Variants in TBC1D9B observed in about 807,000 individuals in gnomAD.
The protein encoded by TBC1D9B is TBC1 domain family, member 9B (with GRAM domain).
In TBC1D9B, 87 loss-of-function variants were observed where a neutral mutation model predicts 121.1. That is an observed-to-expected ratio of 0.72 (90% confidence interval 0.60 to 0.86). The LOEUF (loss-of-function observed/expected upper bound fraction) is 0.86, where lower values mean the gene tolerates loss of function less well. Among genes scored for constraint, TBC1D9B ranks in the 40% least tolerant of loss-of-function variants. TBC1D9B has a pLI of 0.00. For missense variants in TBC1D9B, 1,540 were observed against 1,628.6 expected (o/e 0.95, Z 0.94); for synonymous variants, 668 against 670.1 (o/e 1.00, Z 0.05).
chr5:179,896,265 T>C (rs1693592543), intron 3 of TBC1D9B, among the ~76,000 whole-genome samples: 2 of 152,212 alleles, frequency 1.3e-5, no homozygotes, highest in African/African-American at 4.8e-5. Context: ...AACTTCTGTT[T>C]TTGTCTTGTT....
chr5:179,870,742 C>G, intron 15 of TBC1D9B: 1 of 544,580 alleles, frequency 1.8e-6, no homozygotes, highest in Non-Finnish European at 3.2e-6. Flanking sequence ...CAGAGCTGGT[C>G]TGCTGGCCCC....
rs753474376 is a variant in TBC1D9B at position 179,875,945 on chromosome 5, G to A, written c.1875C>T (p.Pro625=). 23 of 1,609,402 alleles carry A rather than the reference G, an allele frequency of 1.4e-5. No individual in the cohort carries two copies. The highest frequency in any genetic ancestry group is 1.7e-4 in the Middle Eastern group (1 of 5,782). The part of the protein sequence containing the change: ...LLVALCERML[P]DYYNTRVVGA... ...CCACCACCCTGGTGTTGTAGTAGTC[G>A]GGCAGCATGCGCTCGCACAGGGCCA... Residue 625 remains proline, a synonymous_variant, in exon 11 of 21, where the codon CCC becomes CCT. Transcript: ENST00000355235. This position sits in a 1 kb window ranked among gnomAD's most constrained non-coding sequence, Gnocchi z 4.5.
At chr5:179,877,539 C>T (rs1238698460) in intron 10 of TBC1D9B, among the ~76,000 whole-genome samples, 2 of 151,702 alleles carry the variant, frequency 1.3e-5, no homozygotes, top group African/African-American at 2.4e-5. Context: ...TGGCACATGC[C>T]TGTAATCCCA....
intron 14 of TBC1D9B, 32 bp from the exon 15 acceptor site, chr5:179,871,562 G>A (rs1485717019): frequency 1.2e-6 from 2 of 1,604,998 alleles, no homozygotes; most frequent in Admixed American, 3.4e-5. Flanking sequence ...GTATATAGCT[G>A]GATCACAAGC....
At chr5:179,873,354 T>G in intron 12 of TBC1D9B, 106 bp from the exon 13 acceptor site, 1 of 1,432,832 alleles carries the variant, frequency 7.0e-7, no homozygotes, top group Non-Finnish European at 9.2e-7. Flanking sequence ...AGACTCCTAA[T>G]AAGGAGTGTG....
At chr5:179,868,059 A>C in intron 17 of TBC1D9B, 1 of 414,388 alleles carries the variant, frequency 2.4e-6, no homozygotes, top group Admixed American at 3.9e-5. Flanking sequence ...TTTTTTTTTA[A>C]TGGACTCTCA....
At chr5:179,889,925 G>T (rs1040797152) in intron 6 of TBC1D9B, among the ~76,000 whole-genome samples, 4 of 151,324 alleles carry the variant, frequency 2.6e-5, no homozygotes, top group Non-Finnish European at 5.9e-5. Flanking sequence ...TGTGGTTAGG[G>T]AGTGGCTAAA....
intron 10 of TBC1D9B, among the ~76,000 whole-genome samples, chr5:179,877,070 CAAAAAAAAAAA>C (rs58537646): frequency 0.048 from 1,648 of 34,176 alleles, 22 homozygotes; most frequent in Non-Finnish European, 0.079. Flanking sequence ...GATCCTGTCT[CAAAAAAAAAAA>C]AAAAAAAAAA....
rs988705823 is a variant in TBC1D9B at position 179,902,980 on chromosome 5, G to A, written c.229+1722C>T. Among the ~76,000 whole-genome samples the A allele has an allele frequency of 6.6e-6, 1 of 152,210 alleles. No homozygotes were observed. Among genetic ancestry groups the A allele is most frequent in the African/African-American group, 2.4e-5 (1 of 41,438 alleles). Reference sequence around the variant, plus strand: ...ATGCCCGTGCAGAGCGCCCACCTGGGAGTGGGGCTATTCCCGGGGTGCCGC... The same window carrying A: ...ATGCCCGTGCAGAGCGCCCACCTGGAAGTGGGGCTATTCCCGGGGTGCCGC... On this transcript the variant is annotated intron_variant, in intron 2 of 20. Transcript: ENST00000355235. The surrounding 1 kb of genome is among the most constrained non-coding windows in gnomAD (Gnocchi z 4.9).
intron 1 of TBC1D9B, among the ~76,000 whole-genome samples, chr5:179,906,972 GGAGGGAGTGGCCTGTGGGCCTC>G (rs1471509547): frequency 6.6e-6 from 1 of 152,198 alleles, no homozygotes; most frequent in African/African-American, 2.4e-5. Flanking sequence ...CACCACCTGC[GGAGGGAGTGGCCTGTGGGCCTC>G]CCCTGGATCC....
Position 179,878,461 on chromosome 5 carries a change from C to T in TBC1D9B, c.1630G>A (p.Gly544Arg), listed in dbSNP as rs773870849. The change falls in exon 10 of 21, where the codon GGG becomes AGG. Residue 544 changes from glycine to arginine, a missense_variant. Coordinates refer to ENST00000355235, the MANE Select transcript of TBC1D9B (RefSeq NM_015043.4). ...TCCTCTGTGGCCAGGCTGTACTTCCCGGTGGACTTCTCCACCAGCTCAGCA... is the reference window on the plus strand; with the variant it reads ...TCCTCTGTGGCCAGGCTGTACTTCCTGGTGGACTTCTCCACCAGCTCAGCA... ...YYAELVEKSTGKYSLATEEIE... is the reference protein window; with the variant it reads ...YYAELVEKSTRKYSLATEEIE... The T allele has an allele frequency of 3.7e-6, 6 of 1,612,350 alleles. No individual in the cohort carries two copies. Among genetic ancestry groups the T allele is most frequent in the Middle Eastern group, 3.3e-4 (2 of 6,062 alleles).
Position 179,863,681 on chromosome 5 carries a change from T to A in TBC1D9B, c.3469A>T (p.Thr1157Ser), listed in dbSNP as rs201597446. The change falls in exon 21 of 21, where the codon ACG becomes TCG. Residue 1157 changes from threonine (T) to serine (S), a missense_variant. Coordinates refer to ENST00000355235, the MANE Select transcript of TBC1D9B (RefSeq NM_015043.4). This position sits in a 1 kb window ranked among gnomAD's most constrained non-coding sequence, Gnocchi z 4.5. The stretch of plus-strand genomic sequence containing the variant: ...CAGGCCTCCCCGCCCACCAGCACCG[T>A]GTCGTCTGCAAGGTCTTCACATTGC... The part of the protein sequence containing the change: ...SLQCEDLADD[T>S]VLVGGEACSP... The A allele has an allele frequency of 6.2e-7, 1 of 1,613,682 alleles. No homozygotes were observed. Among genetic ancestry groups the A allele is most frequent in the East Asian group, 2.2e-5 (1 of 44,876 alleles).
intron 5 of TBC1D9B, among the ~76,000 whole-genome samples, chr5:179,892,238 G>A (rs1238982256): frequency 6.6e-6 from 1 of 152,246 alleles, no homozygotes; most frequent in Non-Finnish European, 1.5e-5. Flanking sequence ...GCAGTGCCAG[G>A]AGCAGTCATG....
intron 7 of TBC1D9B, among the ~76,000 whole-genome samples, chr5:179,884,021 CT>C (rs1248783695): frequency 6.6e-6 from 1 of 152,096 alleles, no homozygotes; most frequent in East Asian, 1.9e-4. Context: ...AATCCCAGTC[CT>C]TTTTTTCTTG....
chr5:179,875,063 G>A lies in TBC1D9B; in HGVS notation c.2025C>T (p.Phe675=), dbSNP rs1002830498. ...CGCTCTCGAAGGGCATGACGCTGAG[G>A]AAGAGGGTCAGGAACCAGGACAGCG... ...SISLSWFLTL[F]LSVMPFESAV... Residue 675 remains phenylalanine (F), a synonymous_variant, in exon 12 of 21, where the codon TTC becomes TTT. Coordinates refer to ENST00000355235, the MANE Select transcript of TBC1D9B (RefSeq NM_015043.4). This position sits in a 1 kb window ranked among gnomAD's most constrained non-coding sequence, Gnocchi z 4.5. The A allele has an allele frequency of 1.1e-5, 18 of 1,613,994 alleles. No individual in the cohort carries two copies. The highest frequency in any genetic ancestry group is 1.7e-5 in the Admixed American group (1 of 60,016).
In TBC1D9B at chr5:179,894,415, C is replaced by A. The variant is rs753909737; in HGVS notation, c.548G>T (p.Cys183Phe). The change falls in exon 4 of 21, where the codon TGC becomes TTC. Residue 183 changes from cysteine to phenylalanine, a missense_variant. Transcript: ENST00000355235. The stretch of plus-strand genomic sequence containing the variant: ...CTTCCCCAGCAGGAAGGAGTAGAAG[C>A]ACAGGTGGTTGACCGTCAGGTACAG... ...GWLYLTVNHLCFYSFLLGKEV... is the reference protein window; with the variant it reads ...GWLYLTVNHLFFYSFLLGKEV... 12 of 1,613,862 alleles carry A rather than the reference C, an allele frequency of 7.4e-6. No individual in the cohort carries two copies. The highest frequency in any genetic ancestry group is 1.0e-5 in the Non-Finnish European group (12 of 1,179,874).
rs1396244798 is a variant in TBC1D9B at position 179,890,312 on chromosome 5, C to T, written c.1044+1067G>A. Among the ~76,000 whole-genome samples, 2 of 152,176 alleles carry T rather than the reference C, an allele frequency of 1.3e-5. No homozygotes were observed. The highest frequency in any genetic ancestry group is 1.3e-4 in the Admixed American group (2 of 15,282). On this transcript the variant is annotated intron_variant, in intron 6 of 20. Transcript: ENST00000355235. The surrounding 1 kb of genome is among the most constrained non-coding windows in gnomAD (Gnocchi z 5.0). ...TCCAGTGTGAGCTAGTCCTGCTCCC[C>T]GAGCTCCGCCAGGGCTCTCTACCAT...
rs368846455 is a variant in TBC1D9B, at chr5:179,876,043, G to T, written c.1783-6C>A. 1 of 1,610,760 alleles carries T rather than the reference G, an allele frequency of 6.2e-7. No homozygotes were observed. Among genetic ancestry groups the T allele is most frequent in the Non-Finnish European group, 8.5e-7 (1 of 1,178,538 alleles). ...GAGGTCACGATGTTCATTGCCTGCCGGGCACAGAGACAGCCGGGGAAGGCT... is the reference window on the plus strand; with the variant it reads ...GAGGTCACGATGTTCATTGCCTGCCTGGCACAGAGACAGCCGGGGAAGGCT... On this transcript the variant is annotated splice_region_variant and splice_polypyrimidine_tract_variant and intron_variant, in intron 10 of 20. Transcript: ENST00000355235.
In TBC1D9B at chr5:179,864,084, A is replaced by G; in HGVS notation, c.3066T>C (p.Ser1022=). 2 of 1,613,386 alleles carry G rather than the reference A, an allele frequency of 1.2e-6. No homozygotes were observed. Among genetic ancestry groups the G allele is most frequent in the South Asian group, 1.1e-5 (1 of 91,070 alleles). The change falls in exon 21 of 21, where the codon AGT becomes AGC. Residue 1022 remains serine, a synonymous_variant. Coordinates refer to ENST00000355235, the MANE Select transcript of TBC1D9B (RefSeq NM_015043.4). ...ACAGGTCCTGCTCCATGGGGTCTTC[A>G]CTGAACATGTTGTAAAGCGTCTTGC... The part of the protein sequence containing the change: ...ELCKTLYNMF[S]EDPMEQDLYH...
Sources: allele counts gnomAD v4.1 joint callset (sites outside exome capture counted in the v4.1 genomes callset), GRCh38; gene constraint gnomAD v4.1.1; non-coding constraint Gnocchi (gnomAD v3.1); transcripts MANE v1.5; gene names NCBI Gene and HGNC (gene_info 2026-07-23, HGNC 2026-07-21).